ELMO3: variants seen among roughly 807,000 people sequenced by gnomAD.
The protein encoded by ELMO3 is engulfment and cell motility 3.
In ELMO3, 81 loss-of-function variants were observed where a neutral mutation model predicts 89.0. That is an observed-to-expected ratio of 0.91 (90% CI 0.76 to 1.09). The LOEUF (loss-of-function observed/expected upper bound fraction) is 1.09. Among genes scored for constraint, ELMO3 ranks in the 50% least tolerant of loss-of-function variants. ELMO3 has a pLI of 0.00. For synonymous variants in ELMO3, 406 were observed against 400.6 expected, an observed-to-expected ratio of 1.01 and a Z score of -0.16; for missense variants, 959 against 972.8, an observed-to-expected ratio of 0.99 and a Z score of 0.19.
At position 67,199,195 on chromosome 16, in the gene ELMO3, G is replaced by A. The variant is rs372924076; in HGVS notation, c.-132G>A. 11 of 1,610,960 alleles carry A rather than the reference G, an allele frequency of 6.8e-6. No individual in the cohort carries two copies. The highest frequency in any genetic ancestry group is 1.7e-4 in the Middle Eastern group (1 of 6,044). On this transcript the variant is annotated 5_prime_UTR_variant, in exon 1 of 20. Coordinates refer to ENST00000393997, the MANE Select transcript of ELMO3 (RefSeq NM_024712.5). ...GGCCAGGAGCAGCAGTCTGGGCCGC[G>A]AGTGCGGGACACCGAGGTCAGGTCT...
In ELMO3 at chr16:67,201,966, A is replaced by G. The variant is rs1206589097; in HGVS notation, c.1051-11A>G. 1 of 1,611,948 alleles carries G rather than the reference A, an allele frequency of 6.2e-7. No homozygotes were observed. On this transcript the variant is annotated splice_polypyrimidine_tract_variant and intron_variant, in intron 11 of 19. Transcript: ENST00000393997. ...GGCCCTTCTTGAACTGCCTGTGCCC[A>G]CTTCCCCCAGAACAGCAACCCAGCA...
chr16:67,201,235 T>A, intron 8 of ELMO3, 150 bp from the exon 9 acceptor site: 1 of 943,122 alleles, frequency 1.1e-6, no homozygotes, highest in Non-Finnish European at 1.5e-6. Context: ...TTTTTTTTTT[T>A]TTAAGTAGAG....
Position 67,202,924 on chromosome 16 carries a change from T to C in ELMO3, c.1595T>C (p.Met532Thr), listed in dbSNP as rs750294370. 1.2e-5 allele frequency: 19 copies of C among 1,611,526 alleles called. No homozygotes were observed. The highest frequency in any genetic ancestry group is 6.7e-5 in the Admixed American group (4 of 60,002). Residue 532 changes from methionine to threonine, a missense_variant, in exon 16 of 20, where the codon ATG becomes ACG. Transcript: ENST00000393997. Reference sequence around the variant, plus strand: ...CGGGAGAAGCTGAAGCCAGAGCTCATGGGCCTGATCCGCCAGCAGCGCTTG... The same window carrying C: ...CGGGAGAAGCTGAAGCCAGAGCTCACGGGCCTGATCCGCCAGCAGCGCTTG... ...ELREKLKPEL[M>T]GLIRQQRLLR...
chr16:67,200,729 G>A lies in ELMO3; in HGVS notation c.586G>A (p.Val196Met), dbSNP rs1276029322. The stretch of plus-strand genomic sequence containing the variant: ...CCTGGCCCTTGGGCTGCTGGAGAGT[G>A]TGACCTTGAGCAGCCCAGCCCTGGG... ...PPLALGLLES[V>M]TLSSPALGQL... The change falls in exon 7 of 20, where the codon GTG (valine) becomes ATG (methionine). Residue 196 changes from valine (V) to methionine (M), a missense_variant. Physicochemically the swap from Val to Met is conservative, Grantham distance 21. Transcript: ENST00000393997. 1 of 1,613,652 alleles carries A rather than the reference G, an allele frequency of 6.2e-7. No individual in the cohort carries two copies.
In ELMO3 at chr16:67,202,247, G is replaced by C. The variant is rs750693515; in HGVS notation, c.1224G>C (p.Thr408=). The C allele has an allele frequency of 1.2e-6, 2 of 1,605,262 alleles. No individual in the cohort carries two copies. The highest frequency in any genetic ancestry group is 1.7e-6 in the Non-Finnish European group (2 of 1,173,782). Residue 408 remains threonine (T), a synonymous_variant, in exon 13 of 20, where the codon ACG becomes ACC. Coordinates refer to ENST00000393997, the MANE Select transcript of ELMO3 (RefSeq NM_024712.5). ...CPFARGSIQL[T]VLLCELLRVG... ...TTGCCCGGGGCAGCATCCAGCTGAC[G>C]GTGCTGCTGTGTGAGCTGCTCCGTG...
chr16:67,201,897 C>G, intron 11 of ELMO3, 24 bp downstream of exon 11: 1 of 1,602,536 alleles, frequency 6.2e-7, no homozygotes, highest in Non-Finnish European at 8.5e-7. Context: ...CTACCCAACT[C>G]CCCACCCCTG....
At position 67,202,425 on chromosome 16, in the gene ELMO3, C is replaced by T. The variant is rs1214677873; in HGVS notation, c.1290C>T (p.Pro430=). 1 of 1,613,790 alleles carries T rather than the reference C, an allele frequency of 6.2e-7. No homozygotes were observed. Among genetic ancestry groups the T allele is most frequent in the East Asian group, 2.2e-5 (1 of 44,896 alleles). Residue 430 remains proline (P), a synonymous_variant, in exon 14 of 20, where the codon CCC becomes CCT. Coordinates refer to ENST00000393997, the MANE Select transcript of ELMO3 (RefSeq NM_024712.5). The stretch of plus-strand genomic sequence containing the variant: ...CTGAGACAGCCCAGGACTTCTCACC[C>T]ATGTTCTTCGGCCAAGACCAGAGCT... ...PCSETAQDFS[P]MFFGQDQSFH...
At chr16:67,201,276 C>T in intron 8 of ELMO3, 109 bp from the exon 9 acceptor site, 3 of 1,384,342 alleles carry the variant, frequency 2.2e-6, no homozygotes, top group Non-Finnish European at 3.0e-6. Flanking sequence ...CCAGGTTGGC[C>T]TCCATCTCCT....
At chr16:67,202,597 A>G in intron 14 of ELMO3, 30 bp from the exon 15 acceptor site, 1 of 1,613,006 alleles carries the variant, frequency 6.2e-7, no homozygotes, top group Non-Finnish European at 8.5e-7. Context: ...TACAGAGCTT[A>G]GGCCCTGAGC....
chr16:67,200,650 C>G lies in ELMO3; in HGVS notation c.514-7C>G, dbSNP rs775987744. The G allele has an allele frequency of 6.2e-7, 1 of 1,611,766 alleles. No homozygotes were observed. The highest frequency in any genetic ancestry group is 8.5e-7 in the Non-Finnish European group (1 of 1,178,706). ...GGGTGAGGTGGTGACACCCCCGCCCCTTACAGGTGGTGTGCTACGTGAACA... is the reference window on the plus strand; with the variant it reads ...GGGTGAGGTGGTGACACCCCCGCCCGTTACAGGTGGTGTGCTACGTGAACA... On this transcript the variant is annotated splice_polypyrimidine_tract_variant and splice_region_variant and intron_variant, in intron 6 of 19. Coordinates refer to ENST00000393997, the MANE Select transcript of ELMO3 (RefSeq NM_024712.5).
At chr16:67,201,212 ATTTTTTT>A (rs753596419) in intron 8 of ELMO3, among the ~76,000 whole-genome samples, 166 bp from the exon 9 acceptor site, 5 of 94,242 alleles carry the variant, frequency 5.3e-5, no homozygotes, top group Middle Eastern at 6.0e-3. Context: ...CGCCCAGCTG[ATTTTTTT>A]TTTTTTTTTT....
rs369020315 is a variant in ELMO3, at chr16:67,203,098, C to T, written c.1676-21C>T. The T allele has an allele frequency of 6.3e-6, 10 of 1,598,112 alleles. No homozygotes were observed. The highest frequency in any genetic ancestry group is 4.0e-5 in the African/African-American group (3 of 74,788). Reference sequence around the variant, plus strand: ...GTCAGGACCTCTCAGCACTCTGGCCCTCTTCCCTTTCTCCACGCAGATAAG... The same window carrying T: ...GTCAGGACCTCTCAGCACTCTGGCCTTCTTCCCTTTCTCCACGCAGATAAG... On this transcript the variant is annotated intron_variant, in intron 16 of 19. Coordinates refer to ENST00000393997, the MANE Select transcript of ELMO3 (RefSeq NM_024712.5). The surrounding 1 kb of genome is among the most constrained non-coding windows in gnomAD (Gnocchi z 4.6).
Position 67,201,888 on chromosome 16 carries a change from T to C in ELMO3, c.1050+15T>C, listed in dbSNP as rs1306899489. On this transcript the variant is annotated intron_variant, in intron 11 of 19. Coordinates refer to ENST00000393997, the MANE Select transcript of ELMO3 (RefSeq NM_024712.5). Reference sequence around the variant, plus strand: ...TGGGCTTTTCTGTGAGTATCACCCCTACCCAACTCCCCACCCCTGCCTCAG... The same window carrying C: ...TGGGCTTTTCTGTGAGTATCACCCCCACCCAACTCCCCACCCCTGCCTCAG... 7 of 1,603,588 alleles carry C rather than the reference T, an allele frequency of 4.4e-6. No homozygotes were observed. Among genetic ancestry groups the C allele is most frequent in the African/African-American group, 4.0e-5 (3 of 74,844 alleles).
chr16:67,201,683 A>C, intron 10 of ELMO3, 41 bp downstream of exon 10: 3 of 1,608,664 alleles, frequency 1.9e-6, no homozygotes, highest in Non-Finnish European at 2.5e-6. Flanking sequence ...GGTGGCTTAG[A>C]GCTTGGCCTT....
Position 67,203,514 on chromosome 16 carries a change from C to T in ELMO3, c.1881C>T (p.Ala627=), listed in dbSNP as rs1028835026. The T allele has an allele frequency of 3.7e-6, 6 of 1,613,922 alleles. No individual in the cohort carries two copies. The highest frequency in any genetic ancestry group is 5.1e-6 in the Non-Finnish European group (6 of 1,179,998). The stretch of plus-strand genomic sequence containing the variant: ...TTCCCCAGGACCTCTATGAGTTGGC[C>T]TTCTCAATCAGCTATGACCGTGGGG... The part of the protein sequence containing the change: ...GKQNKDLYEL[A]FSISYDRGEE... The change falls in exon 19 of 20, where the codon GCC becomes GCT. Residue 627 remains alanine (A), a synonymous_variant. Coordinates refer to ENST00000393997, the MANE Select transcript of ELMO3 (RefSeq NM_024712.5). The surrounding 1 kb of genome is among the most constrained non-coding windows in gnomAD (Gnocchi z 4.6).
At position 67,202,156 on chromosome 16, in the gene ELMO3, C is replaced by T; in HGVS notation, c.1153-20C>T. 3.7e-6 allele frequency: 6 copies of T among 1,600,080 alleles called. No homozygotes were observed. Among genetic ancestry groups the T allele is most frequent in the Non-Finnish European group, 5.1e-6 (6 of 1,171,256 alleles). On this transcript the variant is annotated intron_variant, in intron 12 of 19. Transcript: ENST00000393997. The stretch of plus-strand genomic sequence containing the variant: ...CATGGGCTTAGCTGTGACTCCTTGC[C>T]CCATTCTCTGCGCCCCCAGTTTGTG...
Position 67,200,536 on chromosome 16 carries a change from C to T in ELMO3, c.499C>T (p.Pro167Ser). Residue 167 changes from proline (P) to serine (S), a missense_variant, in exon 6 of 20, where the codon CCC (proline) becomes TCC (serine). Pro to Ser is a moderately conservative substitution (Grantham distance 74). Coordinates refer to ENST00000393997, the MANE Select transcript of ELMO3 (RefSeq NM_024712.5). Reference protein sequence around the residue: ...GVVSWETLSIPFVRKVVCYVN... With the variant: ...GVVSWETLSISFVRKVVCYVN... ...GGTGTCCTGGGAGACTCTGAGCATC[C>T]CCTTTGTGAGGAAGGTGGGTGGGCT... 1 of 1,613,658 alleles carries T rather than the reference C, an allele frequency of 6.2e-7. No homozygotes were observed. Among genetic ancestry groups the T allele is most frequent in the Non-Finnish European group, 8.5e-7 (1 of 1,179,948 alleles).
chr16:67,201,339 G>A, intron 8 of ELMO3, 46 bp from the exon 9 acceptor site: 1 of 1,611,246 alleles, frequency 6.2e-7, no homozygotes, highest in East Asian at 2.2e-5. Context: ...TTACAGGCGT[G>A]AGCCACCGCG....
At position 67,203,341 on chromosome 16, in the gene ELMO3, A is replaced by G. The variant is rs2033170380; in HGVS notation, c.1795A>G (p.Met599Val). Residue 599 changes from methionine (M) to valine (V), a missense_variant, in exon 18 of 20, where the codon ATG becomes GTG. By Grantham distance (21) the Met-to-Val change is conservative (BLOSUM62 1). Transcript: ENST00000393997. The surrounding 1 kb of genome is among the most constrained non-coding windows in gnomAD (Gnocchi z 4.6). ...SLPEQLPVAD[M>V]RALLTGKDCP... is the part of the protein sequence containing the mutation. ...TCTTCCTGCAGTCCCTGTGGCCGAC[A>G]TGAGGGCACTCCTGACAGGCAAGGA... 2 of 1,602,110 alleles carry G rather than the reference A, an allele frequency of 1.2e-6. No individual in the cohort carries two copies. The highest frequency in any genetic ancestry group is 3.4e-5 in the Admixed American group (2 of 58,788).
Sources: gnomAD v4.1 joint callset for allele counts (sites outside exome capture counted in the v4.1 genomes callset) on GRCh38, gnomAD v4.1.1 for gene constraint, Gnocchi (gnomAD v3.1) non-coding constraint, MANE v1.5 for transcripts, NCBI Gene and HGNC (gene_info 2026-07-23, HGNC 2026-07-21) for gene names.